The following PPEF2 variants were observed in gnomAD, a reference collection of about 807,000 sequenced individuals.
The protein encoded by PPEF2 is serine/threonine-protein phosphatase with EF-hands 2.
In PPEF2, 84 loss-of-function variants were observed where a neutral mutation model predicts 84.7. The ratio of observed to expected loss-of-function variants is 0.99; its 90% CI spans 0.83 to 1.19. PPEF2 has a LOEUF of 1.19. PPEF2 is among the 50% of genes most tolerant of loss of function. PPEF2 has a pLI of 0.00. For missense variants in PPEF2, 924 were observed against 937.5 expected (o/e 0.99, Z 0.19); for synonymous variants, 346 against 345.2 (o/e 1.00, Z -0.03).
intron 13 of PPEF2, 37 bp from the exon 14 acceptor site, chr4:75,867,456 T>C: frequency 7.2e-7 from 1 of 1,395,872 alleles, no homozygotes; most frequent in Non-Finnish European, 1.0e-6. Context: ...TTTAACACAC[T>C]GGTATAGAAA....
rs1301120630 is a variant in PPEF2 at position 75,876,341 on chromosome 4, T to C, written c.1266A>G (p.Glu422=). The change falls in exon 11 of 17, where the codon GAA becomes GAG. Residue 422 remains glutamate, a synonymous_variant. Transcript: ENST00000286719. ...EKEEPSRSAS[E]ADSEAGELRK... Reference sequence around the variant, plus strand: ...GCAGCTCTCCGGCTTCAGAGTCTGCTTCTGAGGCTGAGCGGGAGGGCTCCT... The same window carrying C: ...GCAGCTCTCCGGCTTCAGAGTCTGCCTCTGAGGCTGAGCGGGAGGGCTCCT... 6.2e-6 allele frequency: 10 copies of C among 1,613,858 alleles called. No homozygotes were observed. Among genetic ancestry groups the C allele is most frequent in the Non-Finnish European group, 8.5e-6 (10 of 1,179,980 alleles).
chr4:75,883,357 C>CATT, intron 8 of PPEF2, 155 bp from the exon 9 acceptor site: 1 of 651,528 alleles, frequency 1.5e-6, no homozygotes, highest in East Asian at 2.7e-5. Context: ...AAAACTATGT[C>CATT]ATTATCCCTG....
rs752494923 is a variant in PPEF2 at position 75,876,379 on chromosome 4, T to C, written c.1228A>G (p.Thr410Ala). 7 of 1,613,978 alleles carry C rather than the reference T, an allele frequency of 4.3e-6. No individual in the cohort carries two copies. In the East Asian group the frequency reaches 1.6e-4, roughly 36 times the overall value. Residue 410 changes from threonine to alanine, a missense_variant, in exon 11 of 17, where the codon ACC becomes GCC. Physicochemically the swap from Thr to Ala is moderately conservative, Grantham distance 58. Transcript: ENST00000286719. The stretch of plus-strand genomic sequence containing the variant: ...CGGGAGGGCTCCTCTTTCTCTCCGG[T>C]CACCAGGAGGCCTGCTTGCTGCCGG... ...RCRQQAGLLV[T>A]GEKEEPSRSA...
At chr4:75,880,773 G>A (rs1724548740) in intron 10 of PPEF2, among the ~76,000 whole-genome samples, 1 of 151,208 alleles carries the variant, frequency 6.6e-6, no homozygotes, top group South Asian at 2.1e-4. Flanking sequence ...ACCAGCCTGG[G>A]CAACATAGTG....
At chr4:75,874,600 A>G (rs1724363537) in intron 11 of PPEF2, among the ~76,000 whole-genome samples, 1 of 152,130 alleles carries the variant, frequency 6.6e-6, no homozygotes, top group South Asian at 2.1e-4. Flanking sequence ...CACTTAGCCA[A>G]CATTTAATGC....
intron 7 of PPEF2, among the ~76,000 whole-genome samples, chr4:75,885,021 C>T (rs1023560779): frequency 6.6e-6 from 1 of 152,082 alleles, no homozygotes; most frequent in Non-Finnish European, 1.5e-5. Context: ...CAAAGGGCAC[C>T]AAACTTGTGA....
At chr4:75,896,605 A>G (rs969003796) in intron 1 of PPEF2, among the ~76,000 whole-genome samples, 3 of 151,846 alleles carry the variant, frequency 2.0e-5, no homozygotes, top group African/African-American at 7.3e-5. Context: ...ACATACTGAA[A>G]TCTCTTATTT....
intron 2 of PPEF2, among the ~76,000 whole-genome samples, chr4:75,893,001 C>T (rs75418875): frequency 0.036 from 5,522 of 152,178 alleles, 273 homozygotes; most frequent in African/African-American, 0.11. Context: ...TTGCATTAGA[C>T]AGATAATAGA....
At chr4:75,887,963 G>A (rs1186648750) in intron 6 of PPEF2, among the ~76,000 whole-genome samples, 1 of 152,182 alleles carries the variant, frequency 6.6e-6, no homozygotes, top group African/African-American at 2.4e-5. Context: ...AAGAACATGA[G>A]TTTGAGTCAG....
At chr4:75,895,676 G>C (rs1195556759) in intron 2 of PPEF2, among the ~76,000 whole-genome samples, 1 of 151,826 alleles carries the variant, frequency 6.6e-6, no homozygotes, top group Non-Finnish European at 1.5e-5. Context: ...AGTTTGCAGT[G>C]AGTAGAGATC....
chr4:75,873,077 G>GA lies in PPEF2; in HGVS notation c.1506+49dup. ...TGCTCATCCAGGCCTGAGCCCTTCG[G>GA]ACTACTTTGGTGACACACAAGCCTG... On this transcript the variant is annotated intron_variant, in intron 12 of 16. Transcript: ENST00000286719. The GA allele has an allele frequency of 2.0e-6, 3 of 1,529,980 alleles. No homozygotes were observed. The African/African-American group carries it at 4.1e-5, about 21-fold the overall frequency. The allele number at this position is 1,529,980 out of a possible 1,614,324, so 94.8% of individuals were successfully genotyped here.
chr4:75,869,738 T>G (rs1724223577), intron 13 of PPEF2, among the ~76,000 whole-genome samples: 1 of 151,938 alleles, frequency 6.6e-6, no homozygotes, highest in Non-Finnish European at 1.5e-5. Context: ...GTACCAGGTG[T>G]GAGGTAGCTG....
rs1449507261 is a variant in PPEF2 at position 75,896,292 on chromosome 4, C to T, written c.34G>A (p.Ala12Thr). ...GTACCTCTCTCTGCATTCTGGAAAG[C>T]AAAATGATGTTGGGTGGAGGTGCCG... ...GSGTSTQHHF[A>T]FQNAERAFKA... Residue 12 changes from alanine (A) to threonine (T), a missense_variant, in exon 2 of 17, where the codon GCT becomes ACT. By Grantham distance (58) the Ala-to-Thr change is moderately conservative (BLOSUM62 0). Coordinates refer to ENST00000286719, the MANE Select transcript of PPEF2 (RefSeq NM_006239.3). 1 of 1,614,198 alleles carries T rather than the reference C, an allele frequency of 6.2e-7. No individual in the cohort carries two copies. The highest frequency in any genetic ancestry group is 8.5e-7 in the Non-Finnish European group (1 of 1,180,024).
chr4:75,881,167 T>G (rs1432270191), intron 10 of PPEF2, among the ~76,000 whole-genome samples: 4 of 150,160 alleles, frequency 2.7e-5, no homozygotes, highest in African/African-American at 9.8e-5. Context: ...TGGCACGATC[T>G]CAGCTCACCA....
chr4:75,885,805 T>C (rs1724705917), intron 7 of PPEF2, among the ~76,000 whole-genome samples: 1 of 152,052 alleles, frequency 6.6e-6, no homozygotes, highest in South Asian at 2.1e-4. Flanking sequence ...GGTCAGGAGT[T>C]CGAGACCAGC....
At chr4:75,900,687 A>G (rs1294566893) in intron 1 of PPEF2, among the ~76,000 whole-genome samples, 1 of 152,232 alleles carries the variant, frequency 6.6e-6, no homozygotes, top group East Asian at 1.9e-4. Flanking sequence ...AAAAACATAG[A>G]TAAGGAATTT....
Position 75,864,470 on chromosome 4 carries a change from T to C in PPEF2, c.1978A>G (p.Ile660Val). ...TGATCACTGTCTATGATCCTAAAAATGGTCTCTAGGTTGGATCGGTTTCGA... is the reference window on the plus strand; with the variant it reads ...TGATCACTGTCTATGATCCTAAAAACGGTCTCTAGGTTGGATCGGTTTCGA... ...LYRNRSNLETIFRIIDSDHSG... is the reference protein window; with the variant it reads ...LYRNRSNLETVFRIIDSDHSG... The change falls in exon 16 of 17, where the codon ATT (isoleucine) becomes GTT (valine). Residue 660 changes from isoleucine to valine, a missense_variant. Physicochemically the swap from Ile to Val is conservative, Grantham distance 29. Coordinates refer to ENST00000286719, the MANE Select transcript of PPEF2 (RefSeq NM_006239.3). The C allele has an allele frequency of 6.2e-7, 1 of 1,611,554 alleles. No homozygotes were observed. Among genetic ancestry groups the C allele is most frequent in the African/African-American group, 1.3e-5 (1 of 74,988 alleles).
intron 7 of PPEF2, among the ~76,000 whole-genome samples, chr4:75,885,958 G>A (rs1724710259): frequency 6.6e-6 from 1 of 151,670 alleles, no homozygotes; most frequent in Admixed American, 6.6e-5. Context: ...GCAGTGAGCC[G>A]AGATCGTGCC....
At chr4:75,862,131 A>G (rs1211669085) in intron 16 of PPEF2, among the ~76,000 whole-genome samples, 4 of 151,364 alleles carry the variant, frequency 2.6e-5, no homozygotes, top group Non-Finnish European at 5.9e-5. Context: ...CGTCTCTACT[A>G]AAAATACAAA....
Sources: gnomAD v4.1 joint callset for allele counts (sites outside exome capture counted in the v4.1 genomes callset) on GRCh38, gnomAD v4.1.1 for gene constraint, MANE v1.5 for transcripts, NCBI Gene and HGNC (gene_info 2026-07-23, HGNC 2026-07-21) for gene names.